CALN1: variants seen among roughly 807,000 people sequenced by gnomAD.
CALN1 encodes the protein calneuron 1, also known as calcium-binding protein 8.
A neutral mutation model predicts 30.6 loss-of-function variants in CALN1; 17 were observed. The ratio of observed to expected loss-of-function variants is 0.56; its 90% CI spans 0.38 to 0.83. CALN1 has a LOEUF of 0.83. Among genes scored for constraint, CALN1 ranks in the 40% least tolerant of loss-of-function variants. The probability of loss-of-function intolerance (pLI) is 0.00; values close to 1 mark genes in which losing one functional copy is unlikely to be tolerated. For missense variants in CALN1, 291 were observed against 354.9 expected (o/e 0.82, Z 1.45); for synonymous variants, 156 against 131.4 (o/e 1.19, Z -1.28).
intron 3 of CALN1, among the ~76,000 whole-genome samples, chr7:72,148,936 A>AGAAGGAAG (rs1010668231): frequency 2.8e-5 from 4 of 141,478 alleles, no homozygotes; most frequent in African/African-American, 1.0e-4. Context: ...AAGAAAAAAA[A>AGAAGGAAG]GAAGGAAGGA....
At chr7:72,226,679 C>G (rs769543708) in intron 3 of CALN1, among the ~76,000 whole-genome samples, 3 of 152,182 alleles carry the variant, frequency 2.0e-5, no homozygotes, top group Non-Finnish European at 4.4e-5. Context: ...CAAACTGATG[C>G]AGAAACAAAA....
chr7:72,325,563 T>C (rs1383829732), intron 2 of CALN1, among the ~76,000 whole-genome samples: 1 of 152,116 alleles, frequency 6.6e-6, no homozygotes, highest in African/African-American at 2.4e-5. Flanking sequence ...ATCACACCAT[T>C]GCACTCCAGC....
At chr7:71,991,456 C>T (rs1239706570) in intron 5 of CALN1, among the ~76,000 whole-genome samples, 4 of 147,622 alleles carry the variant, frequency 2.7e-5, no homozygotes, top group East Asian at 2.0e-4. Flanking sequence ...GAGATTCTGT[C>T]TCAAAAAAAA....
At chr7:72,066,202 T>C (rs1309649306) in intron 4 of CALN1, among the ~76,000 whole-genome samples, 1 of 152,252 alleles carries the variant, frequency 6.6e-6, no homozygotes, top group African/African-American at 2.4e-5. Flanking sequence ...TGTCTCAGCC[T>C]GTCAAGACCT....
the CALN1 span, among the ~76,000 whole-genome samples, chr7:72,499,943 G>A: frequency 3.5e-5 from 5 of 141,412 alleles, no homozygotes; most frequent in East Asian, 4.4e-4. Flanking sequence ...ACAGTGTCTC[G>A]CTCTGTTGCC....
At chr7:72,161,388 G>A (rs1458474376) in intron 3 of CALN1, among the ~76,000 whole-genome samples, 1 of 152,158 alleles carries the variant, frequency 6.6e-6, no homozygotes, top group Non-Finnish European at 1.5e-5. Context: ...GAAGAATAAG[G>A]TGGAGAAGGA....
Position 72,037,275 on chromosome 7 carries a change from C to T in CALN1, c.389-13506G>A, listed in dbSNP as rs564658284. Among the ~76,000 whole-genome samples the T allele has an allele frequency of 3.8e-3, 575 of 152,236 alleles. 4 individuals carry two copies. The highest frequency in any genetic ancestry group is 0.013 in the African/African-American group (536 of 41,548). ...GCACTATTATCCTGCCTCAGCCTCC[C>T]GAGTAGCTGGGACCACAGGTGCCTG... On this transcript the variant is annotated intron_variant, in intron 4 of 6. Coordinates refer to ENST00000395275, the MANE Select transcript of CALN1 (RefSeq NM_031468.4).
At chr7:72,027,767 A>G (rs1264842903) in intron 4 of CALN1, among the ~76,000 whole-genome samples, 1 of 145,928 alleles carries the variant, frequency 6.9e-6, no homozygotes, top group Admixed American at 6.9e-5. Context: ...ACAAAAACAC[A>G]TGAGACCTGG....
At chr7:71,988,489 GT>G (rs1489386699) in intron 5 of CALN1, among the ~76,000 whole-genome samples, 4 of 152,162 alleles carry the variant, frequency 2.6e-5, no homozygotes, top group Non-Finnish European at 5.9e-5. Flanking sequence ...GAGCATACTT[GT>G]TGGTTTCATT....
At chr7:72,137,505 C>T (rs1175727718) in intron 3 of CALN1, among the ~76,000 whole-genome samples, 1 of 152,128 alleles carries the variant, frequency 6.6e-6, no homozygotes, top group Non-Finnish European at 1.5e-5. Context: ...CAGACTTGCC[C>T]AACCACAGGG....
intron 5 of CALN1, among the ~76,000 whole-genome samples, chr7:71,883,173 G>GCA (rs895933978): frequency 4.0e-5 from 6 of 151,850 alleles, no homozygotes; most frequent in African/African-American, 4.8e-5. Flanking sequence ...ATACACACAT[G>GCA]CACACACACA....
chr7:71,999,329 CA>C (rs1799411266), intron 5 of CALN1, among the ~76,000 whole-genome samples: 3 of 152,048 alleles, frequency 2.0e-5, no homozygotes, highest in Non-Finnish European at 4.4e-5. Context: ...ATACATGAAG[CA>C]AAAACAGAGT....
At position 71,865,180 on chromosome 7, in the gene CALN1, G is replaced by A. The variant is rs565810329; in HGVS notation, c.502-54688C>T. Among the ~76,000 whole-genome samples, 8 of 152,310 alleles carry A rather than the reference G, an allele frequency of 5.3e-5. No homozygotes were observed. The South Asian group carries it at 1.7e-3, about 32-fold the overall frequency. ...TGAACTGTAATCCCCAGTGTCGGAG[G>A]TGGGGTCTGGAGGAGATACTTGGAT... On this transcript the variant is annotated intron_variant, in intron 5 of 6. Transcript: ENST00000395275.
chr7:72,020,008 C>T (rs1211263234), intron 5 of CALN1, among the ~76,000 whole-genome samples: 1 of 152,124 alleles, frequency 6.6e-6, no homozygotes, highest in African/African-American at 2.4e-5. Flanking sequence ...CTCCTAAGAT[C>T]AATATCTTCT....
intron 4 of CALN1, among the ~76,000 whole-genome samples, chr7:72,050,654 T>G (rs1275188031): frequency 6.6e-6 from 1 of 152,156 alleles, no homozygotes; most frequent in African/African-American, 2.4e-5. Context: ...AACTCAAATA[T>G]GTAAGTATTA....
intron 4 of CALN1, 54 bp downstream of exon 4, chr7:72,106,097 C>T: frequency 6.3e-7 from 1 of 1,588,728 alleles, no homozygotes; most frequent in Non-Finnish European, 8.6e-7. Flanking sequence ...CCGAAGGTCT[C>T]ACTGATGAGA....
At chr7:72,143,585 G>T (rs527542207) in intron 3 of CALN1, among the ~76,000 whole-genome samples, 1 of 152,186 alleles carries the variant, frequency 6.6e-6, no homozygotes, top group Non-Finnish European at 1.5e-5. Context: ...CCCCAATCTA[G>T]CAAGGCAGGC....
intron 5 of CALN1, among the ~76,000 whole-genome samples, chr7:71,969,024 C>T (rs1267337481): frequency 2.0e-5 from 3 of 150,532 alleles, no homozygotes; most frequent in Admixed American, 6.6e-5. Flanking sequence ...ATTCCAGTCT[C>T]GGTGACAGAG....
chr7:72,078,666 C>T (rs190296327), intron 4 of CALN1, among the ~76,000 whole-genome samples: 1 of 152,244 alleles, frequency 6.6e-6, no homozygotes, highest in East Asian at 1.9e-4. Flanking sequence ...GGCGCAGTGG[C>T]TTGTGCCTGT....
Sources: allele counts gnomAD v4.1 joint callset (sites outside exome capture counted in the v4.1 genomes callset), GRCh38; gene constraint gnomAD v4.1.1; transcripts MANE v1.5; gene names NCBI Gene and HGNC (gene_info 2026-07-23, HGNC 2026-07-21).